Variants in PATJ observed in about 807,000 individuals in gnomAD.
PATJ encodes inaD-like protein.
Under a neutral mutation model 224.9 loss-of-function variants are expected in PATJ, and 190 were observed. The ratio of observed to expected loss-of-function variants is 0.84; its 90% CI spans 0.75 to 0.95. The LOEUF is 0.95. Ranked by LOEUF, PATJ falls within the 40% of genes least tolerant of loss-of-function variation. The pLI, the probability that PATJ is intolerant of heterozygous loss-of-function variation, is 0.00. For synonymous variants in PATJ, 769 were observed against 820.3 expected, an observed-to-expected ratio of 0.94 and a Z score of 1.07; for missense variants, 2,121 against 2,270.3, an observed-to-expected ratio of 0.93 and a Z score of 1.34.
At chr1:61,990,395 T>G in intron 28 of PATJ, 31 bp downstream of exon 28, 2 of 1,540,550 alleles carry the variant, frequency 1.3e-6, no homozygotes, top group Non-Finnish European at 1.8e-6. Flanking sequence ...ACTTATCTTT[T>G]GGTGAAGTGG....
At chr1:61,985,772 G>C (rs2149522663) in intron 27 of PATJ, among the ~76,000 whole-genome samples, 1 of 152,108 alleles carries the variant, frequency 6.6e-6, no homozygotes, top group Middle Eastern at 3.4e-3. Flanking sequence ...CCAGAGGACT[G>C]TGTGGCTTTT....
chr1:61,856,047 A>C lies in PATJ; in HGVS notation c.2130A>C (p.Thr710=), dbSNP rs759821031. The C allele has an allele frequency of 1.2e-6, 2 of 1,614,018 alleles. No individual in the cohort carries two copies. The highest frequency in any genetic ancestry group is 3.3e-5 in the Admixed American group (2 of 60,010). The part of the protein sequence containing the change: ...ILDYQDPLDP[T]RSVIVIRSLV... ...ATTCACAGGACCCTTTAGATCCTAC[A>C]AGATCAGTGATTGTGATCCGCTCCC... The change falls in exon 18 of 44, where the codon ACA becomes ACC. Residue 710 remains threonine, a synonymous_variant. Transcript: ENST00000642238.
chr1:62,071,288 A>G (rs1306912987), intron 31 of PATJ, among the ~76,000 whole-genome samples: 1 of 152,196 alleles, frequency 6.6e-6, no homozygotes. Context: ...GGGCTACCAT[A>G]GCCCAATTCC....
At chr1:61,920,583 G>A (rs1182373073) in intron 26 of PATJ, among the ~76,000 whole-genome samples, 1 of 151,910 alleles carries the variant, frequency 6.6e-6, no homozygotes. Flanking sequence ...CACTATCACT[G>A]AAACCATGTT....
intron 14 of PATJ, among the ~76,000 whole-genome samples, chr1:61,821,478 G>A (rs971275059): frequency 6.6e-6 from 1 of 152,204 alleles, no homozygotes; most frequent in African/African-American, 2.4e-5. Context: ...AGTCCCTCAT[G>A]TGCGTGTTGA....
chr1:62,098,890 C>T (rs1388368486), intron 33 of PATJ, among the ~76,000 whole-genome samples: 1 of 151,746 alleles, frequency 6.6e-6, no homozygotes, highest in African/African-American at 2.4e-5. Context: ...TTTTTTAATT[C>T]TACTCTGTTA....
chr1:62,015,608 C>T (rs1646730129), intron 28 of PATJ, among the ~76,000 whole-genome samples: 1 of 152,114 alleles, frequency 6.6e-6, no homozygotes, highest in Non-Finnish European at 1.5e-5. Flanking sequence ...TCTCGGCTTG[C>T]TGTAACCTCT....
At position 61,762,862 on chromosome 1, in the gene PATJ, CT is replaced by C; in HGVS notation, c.-28del. The stretch of plus-strand genomic sequence containing the variant: ...ATTGTTAAATTTTTTCTTTAGGTGT[CT>C]TTAAGAGTGATTGAAGAGAATAATT... On this transcript the variant is annotated 5_prime_UTR_variant, in exon 2 of 44. Transcript: ENST00000642238. 6.8e-7 allele frequency: 1 copy of C among 1,467,622 alleles called. No individual in the cohort carries two copies. The highest frequency in any genetic ancestry group is 1.4e-5 in the African/African-American group (1 of 71,276). 90.9% of individuals were successfully genotyped at this position (1,467,622 alleles called of 1,614,324 possible). A position where few individuals can be genotyped will look rare whatever the true frequency, so the allele number is the denominator to read the frequency against.
intron 33 of PATJ, among the ~76,000 whole-genome samples, chr1:62,102,238 T>C (rs117929177): frequency 9.9e-5 from 15 of 152,074 alleles, no homozygotes. Context: ...ATCACTGGTC[T>C]TGTCTGAAGC....
chr1:61,901,552 G>T (rs1671154357), intron 24 of PATJ, 93 bp downstream of exon 24: 4 of 852,480 alleles, frequency 4.7e-6, no homozygotes, highest in Non-Finnish European at 7.3e-6. Context: ...ATGTGTTGGG[G>T]ACCGTGTGTG....
intron 14 of PATJ, among the ~76,000 whole-genome samples, chr1:61,811,147 C>T (rs1005313010): frequency 3.3e-5 from 5 of 152,150 alleles, no homozygotes; most frequent in African/African-American, 9.7e-5. Flanking sequence ...GGAATTAACT[C>T]TATTATGCTT....
intron 17 of PATJ, among the ~76,000 whole-genome samples, chr1:61,847,488 G>C (rs1049150423): frequency 7.2e-5 from 11 of 152,174 alleles, no homozygotes; most frequent in Non-Finnish European, 1.6e-4. Context: ...GACACAAGGA[G>C]CCAGGAACCG....
At chr1:61,859,584 A>G (rs1286760914) in intron 18 of PATJ, among the ~76,000 whole-genome samples, 1 of 151,654 alleles carries the variant, frequency 6.6e-6, no homozygotes, top group Non-Finnish European at 1.5e-5. Flanking sequence ...TCTCATAGTA[A>G]AATTGACGGC....
intron 19 of PATJ, among the ~76,000 whole-genome samples, chr1:61,861,886 G>T (rs1489979522): frequency 6.6e-6 from 1 of 151,798 alleles, no homozygotes; most frequent in Non-Finnish European, 1.5e-5. Flanking sequence ...TTTTGAGATG[G>T]GATCTCCCTC....
chr1:61,823,135 C>T (rs548588517), intron 15 of PATJ, 56 bp downstream of exon 15: 101 of 1,565,904 alleles, frequency 6.4e-5, no homozygotes, highest in Non-Finnish European at 7.7e-5. Flanking sequence ...TTTAGGAAAA[C>T]GTGTTCTCAT....
At chr1:62,062,433 G>T (rs919829114) in intron 31 of PATJ, among the ~76,000 whole-genome samples, 1 of 87,316 alleles carries the variant, frequency 1.1e-5, no homozygotes, top group Non-Finnish European at 2.4e-5. Flanking sequence ...TTTTTGACAG[G>T]ATCTCACTGT....
chr1:61,782,468 G>A (rs1647537778), intron 7 of PATJ, among the ~76,000 whole-genome samples: 1 of 152,148 alleles, frequency 6.6e-6, no homozygotes, highest in African/African-American at 2.4e-5. Flanking sequence ...ATTTGAACTT[G>A]GGTGCATCTG....
At chr1:61,761,070 C>T (rs564147838) in intron 1 of PATJ, among the ~76,000 whole-genome samples, 2 of 152,148 alleles carry the variant, frequency 1.3e-5, no homozygotes, top group African/African-American at 4.8e-5. Flanking sequence ...CCTCAACCTC[C>T]TGGGCTCAAG....
At chr1:61,760,041 A>C (rs996602111) in intron 1 of PATJ, among the ~76,000 whole-genome samples, 2 of 152,256 alleles carry the variant, frequency 1.3e-5, no homozygotes, top group African/African-American at 2.4e-5. Flanking sequence ...GTTAATGACC[A>C]GCAGGCCGCT....
Sources: gnomAD v4.1 joint callset for allele counts (sites outside exome capture counted in the v4.1 genomes callset) on GRCh38, gnomAD v4.1.1 for gene constraint, MANE v1.5 for transcripts, NCBI Gene and HGNC (gene_info 2026-07-23, HGNC 2026-07-21) for gene names.